The following NCALD variants were observed in gnomAD, a reference collection of about 807,000 sequenced individuals.
NCALD encodes neurocalcin delta.
NCALD carries 10 observed loss-of-function variants against 18.6 expected under a neutral mutation model. The observed-to-expected ratio is 0.54, with a 90% confidence interval of 0.33 to 0.91. NCALD has a LOEUF of 0.91. Ranked by LOEUF, NCALD falls within the 40% of genes least tolerant of loss-of-function variation. The pLI is 0.03. For synonymous variants in NCALD, 88 were observed against 87.4 expected (o/e 1.01, Z -0.04); for missense variants, 184 against 247.6 (o/e 0.74, Z 1.72).
intron 1 of NCALD, among the ~76,000 whole-genome samples, chr8:101,730,165 A>G (rs28429768): frequency 0.12 from 17,931 of 152,178 alleles, 1,065 homozygotes; most frequent in South Asian, 0.19. Context: ...ATTCTATATT[A>G]TTCTTTAACC....
At chr8:102,028,765 C>T (rs1822558322) in intron 1 of NCALD, among the ~76,000 whole-genome samples, 1 of 152,126 alleles carries the variant, frequency 6.6e-6, no homozygotes, top group Non-Finnish European at 1.5e-5. Flanking sequence ...TGATGCAGCC[C>T]CAACCTTCTG....
At chr8:101,854,024 T>G (rs921189838) in intron 4 of NCALD, among the ~76,000 whole-genome samples, 1 of 152,210 alleles carries the variant, frequency 6.6e-6, no homozygotes, top group Non-Finnish European at 1.5e-5. Context: ...GAGGACTCTA[T>G]GTCAGATATA....
At chr8:101,796,885 C>A (rs1190894475) in intron 4 of NCALD, among the ~76,000 whole-genome samples, 2 of 152,144 alleles carry the variant, frequency 1.3e-5, no homozygotes, top group Non-Finnish European at 2.9e-5. Context: ...CCATTTTATT[C>A]AAAGTCATCC....
At chr8:101,756,348 G>A (rs968637016) in intron 1 of NCALD, among the ~76,000 whole-genome samples, 1 of 152,168 alleles carries the variant, frequency 6.6e-6, no homozygotes, top group African/African-American at 2.4e-5. Flanking sequence ...CACTGTATAG[G>A]TAAACTCTCC....
intron 1 of NCALD, among the ~76,000 whole-genome samples, chr8:101,729,058 C>T (rs554407269): frequency 2.6e-5 from 4 of 152,298 alleles, no homozygotes; most frequent in African/African-American, 9.6e-5. Context: ...TTTTAGCTGC[C>T]TAAATTTTAC....
chr8:101,930,167 A>G (rs1818519894), intron 2 of NCALD, among the ~76,000 whole-genome samples: 1 of 152,244 alleles, frequency 6.6e-6, no homozygotes, highest in South Asian at 2.1e-4. Flanking sequence ...AAACTAAAGA[A>G]TAGCTTAGCA....
Position 101,762,718 on chromosome 8 carries a change from C to T in NCALD, c.-20+28144G>A, listed in dbSNP as rs188290992. ...CCTCCCAAGTAGCTGGGGTTATAGG[C>T]GCTTGCCACCACGCCTGGCTAATTT... On this transcript the variant is annotated intron_variant, in intron 1 of 3. Transcript: ENST00000220931. 4.4e-4 allele frequency among the ~76,000 whole-genome samples: 67 copies of T among 151,942 alleles called. No individual in the cohort carries two copies. In the East Asian group the frequency reaches 0.01, roughly 24 times the overall value.
intron 4 of NCALD, chr8:101,871,998 A>G (rs1816041585): frequency 1.1e-6 from 1 of 907,074 alleles, no homozygotes; most frequent in South Asian, 1.3e-5. Flanking sequence ...TCATGCCGCC[A>G]AACACCAGAG....
chr8:102,106,075 T>TA (rs1306439850), intron 1 of NCALD, among the ~76,000 whole-genome samples: 1 of 144,768 alleles, frequency 6.9e-6, no homozygotes, highest in African/African-American at 2.5e-5. Flanking sequence ...GAACAACAAT[T>TA]TTTTTTTTTT....
chr8:101,756,752 G>C (rs1289517137), intron 1 of NCALD, among the ~76,000 whole-genome samples: 1 of 152,234 alleles, frequency 6.6e-6, no homozygotes, highest in Non-Finnish European at 1.5e-5. Context: ...AAGAGAATCT[G>C]ACTGGATGAG....
intron 1 of NCALD, among the ~76,000 whole-genome samples, chr8:101,734,496 C>A (rs527799816): frequency 6.6e-6 from 1 of 152,346 alleles, no homozygotes; most frequent in East Asian, 1.9e-4. Flanking sequence ...GCACCTAACG[C>A]CATTCCTGAC....
chr8:101,886,538 C>T (rs551380299), intron 4 of NCALD, among the ~76,000 whole-genome samples: 9 of 152,264 alleles, frequency 5.9e-5, no homozygotes, highest in African/African-American at 1.9e-4. Flanking sequence ...AGTAGATTTC[C>T]CTTCCTGAAA....
chr8:101,892,057 G>A (rs6616142), intron 3 of NCALD, among the ~76,000 whole-genome samples: 1 of 151,990 alleles, frequency 6.6e-6, no homozygotes, highest in African/African-American at 2.4e-5. Flanking sequence ...ACCTCTGGGG[G>A]CAGGGCACAG....
chr8:101,804,608 A>G (rs978935021), intron 4 of NCALD, among the ~76,000 whole-genome samples: 164 of 131,180 alleles, frequency 1.3e-3, no homozygotes, highest in African/African-American at 1.8e-3. Flanking sequence ...TAATATAATT[A>G]ATTATATAAT....
intron 4 of NCALD, among the ~76,000 whole-genome samples, chr8:101,880,465 G>A (rs1816445438): frequency 6.6e-6 from 1 of 152,190 alleles, no homozygotes; most frequent in Non-Finnish European, 1.5e-5. Flanking sequence ...ACAGCGCAGT[G>A]GCGGACTGAA....
At chr8:101,950,642 T>G (rs1819377945) in intron 2 of NCALD, among the ~76,000 whole-genome samples, 1 of 152,218 alleles carries the variant, frequency 6.6e-6, no homozygotes, top group Admixed American at 6.5e-5. Context: ...CAGAGTACAG[T>G]GAACAAAGCC....
At chr8:101,828,504 T>G (rs1425372207) in intron 4 of NCALD, among the ~76,000 whole-genome samples, 1 of 152,044 alleles carries the variant, frequency 6.6e-6, no homozygotes, top group Non-Finnish European at 1.5e-5. Flanking sequence ...TGATGCTCTC[T>G]CTGATGACTG....
chr8:101,787,072 TA>T (rs1314327980), intron 1 of NCALD, among the ~76,000 whole-genome samples: 1 of 152,140 alleles, frequency 6.6e-6, no homozygotes, highest in East Asian at 1.9e-4. Context: ...CTGAAAACAA[TA>T]AAAAATACTA....
Position 101,812,546 on chromosome 8 carries a change from G to A in NCALD, c.-20+74595C>T, listed in dbSNP as rs932439558. On this transcript the variant is annotated intron_variant, in intron 4 of 6. Coordinates refer to the NCALD transcript ENST00000311028. Reference sequence around the variant, plus strand: ...GCAATTTTTCATAAGAAACTTCACCGTGAAATCCTCAGTTGACAGTAAAGA... The same window carrying A: ...GCAATTTTTCATAAGAAACTTCACCATGAAATCCTCAGTTGACAGTAAAGA... 3.3e-5 allele frequency among the ~76,000 whole-genome samples: 5 copies of A among 152,208 alleles called. No homozygotes were observed. In the South Asian group the frequency reaches 8.3e-4, roughly 25 times the overall value.
Sources: gnomAD v4.1 joint callset for allele counts (sites outside exome capture counted in the v4.1 genomes callset) on GRCh38, gnomAD v4.1.1 for gene constraint, MANE v1.5 for transcripts, NCBI Gene and HGNC (gene_info 2026-07-23, HGNC 2026-07-21) for gene names.